DNAH8: variants seen among roughly 807,000 people sequenced by gnomAD.
The protein encoded by DNAH8 is dynein axonemal heavy chain 8, also known as axonemal beta dynein heavy chain 8.
DNAH8 carries 382 observed loss-of-function variants against 562.1 expected under a neutral mutation model. That is an observed-to-expected ratio of 0.68 (90% CI 0.63 to 0.74). The LOEUF (loss-of-function observed/expected upper bound fraction) is 0.74, where lower values mean the gene tolerates loss of function less well. Ranked by LOEUF, DNAH8 falls within the 30% of genes least tolerant of loss-of-function variation. The pLI is 0.00. For missense variants in DNAH8, 5,203 were observed against 5,620.4 expected (o/e 0.93, Z 2.37); for synonymous variants, 1,881 against 1,919.4 (o/e 0.98, Z 0.52).
chr6:38,872,212 G>T (rs936461741), intron 49 of DNAH8, among the ~76,000 whole-genome samples: 1 of 152,148 alleles, frequency 6.6e-6, no homozygotes, highest in Admixed American at 6.6e-5. Flanking sequence ...GAAAGTTTGC[G>T]CATGGAACAA....
chr6:38,848,992 G>C (rs755260289), intron 37 of DNAH8, among the ~76,000 whole-genome samples, 191 bp downstream of exon 37: 21 of 151,988 alleles, frequency 1.4e-4, no homozygotes, highest in Non-Finnish European at 2.5e-4. Flanking sequence ...TTTATATATT[G>C]TCTGTGGCTG....
chr6:38,767,974 A>T (rs1294934326), intron 11 of DNAH8, among the ~76,000 whole-genome samples: 1 of 152,072 alleles, frequency 6.6e-6, no homozygotes, highest in Non-Finnish European at 1.5e-5. Flanking sequence ...ATTTTCTATT[A>T]TTTTGATAAG....
intron 80 of DNAH8, among the ~76,000 whole-genome samples, chr6:38,946,719 A>G (rs1196766288): frequency 6.6e-6 from 1 of 152,124 alleles, no homozygotes; most frequent in Admixed American, 6.6e-5. Flanking sequence ...CTGAGGCAGG[A>G]GAATCGCTTA....
Position 38,872,715 on chromosome 6 carries a change from T to C in DNAH8, c.7170T>C (p.Thr2390=). The change falls in exon 50 of 93, where the codon ACT becomes ACC. Residue 2390 remains threonine, a synonymous_variant. Coordinates refer to ENST00000327475, the MANE Select transcript of DNAH8 (RefSeq NM_001206927.2). ...TAPQMFGRLD[T]ATNDWTDGIF... The stretch of plus-strand genomic sequence containing the variant: ...CTCAGATGTTTGGCAGACTGGACAC[T>C]GCTACCAATGACTGGACAGATGGGA... 1 of 1,614,126 alleles carries C rather than the reference T, an allele frequency of 6.2e-7. No homozygotes were observed. Among genetic ancestry groups the C allele is most frequent in the Non-Finnish European group, 8.5e-7 (1 of 1,179,990 alleles).
At chr6:38,725,040 C>T (rs1763093024) in intron 3 of DNAH8, among the ~76,000 whole-genome samples, 1 of 152,046 alleles carries the variant, frequency 6.6e-6, no homozygotes, top group South Asian at 2.1e-4. Flanking sequence ...CAGTAGCTCA[C>T]ACCTGTAATC....
chr6:38,974,617 C>A, intron 85 of DNAH8, 88 bp downstream of exon 85: 1 of 1,020,142 alleles, frequency 9.8e-7, no homozygotes, highest in Non-Finnish European at 1.5e-6. Context: ...GGGTGCTATC[C>A]GTTGCCGCTC....
chr6:38,941,514 G>A (rs1278777889), intron 79 of DNAH8, among the ~76,000 whole-genome samples: 1 of 152,128 alleles, frequency 6.6e-6, no homozygotes, highest in East Asian at 1.9e-4. Flanking sequence ...TTTTTTCACA[G>A]GTCTAATGCA....
At chr6:38,844,419 T>C (rs1401138724) in intron 35 of DNAH8, among the ~76,000 whole-genome samples, 1 of 152,208 alleles carries the variant, frequency 6.6e-6, no homozygotes. Context: ...AATATATGGT[T>C]TGGGTTTTCT....
chr6:38,829,400 C>G (rs1618774), intron 30 of DNAH8, among the ~76,000 whole-genome samples: 1 of 151,878 alleles, frequency 6.6e-6, no homozygotes, highest in Admixed American at 6.6e-5. Flanking sequence ...ATCTGGGAAA[C>G]CATTGCCCAA....
intron 85 of DNAH8, 34 bp downstream of exon 85, chr6:38,974,563 A>G: frequency 6.3e-7 from 1 of 1,595,050 alleles, no homozygotes; most frequent in Non-Finnish European, 8.6e-7. Flanking sequence ...CATTTAGGAG[A>G]TGGCCAGTGG....
chr6:38,859,230 G>A (rs760876123), intron 42 of DNAH8, among the ~76,000 whole-genome samples: 10 of 152,156 alleles, frequency 6.6e-5, no homozygotes, highest in African/African-American at 1.4e-4. Context: ...GTAGCTGGCT[G>A]AGAGCATCCC....
chr6:38,949,561 T>C lies in DNAH8; in HGVS notation c.12239T>C (p.Leu4080Ser). 1 of 1,579,716 alleles carries C rather than the reference T, an allele frequency of 6.3e-7. No homozygotes were observed. Among genetic ancestry groups the C allele is most frequent in the Non-Finnish European group, 8.7e-7 (1 of 1,148,632 alleles). Residue 4080 changes from leucine to serine, a missense_variant, in exon 81 of 93, where the codon TTA (leucine) becomes TCA (serine). Around this residue, in one of 6 missense-constraint regions of DNAH8, gnomAD observed 1,399 missense variants for 1,518.4 expected, o/e 0.92. Transcript: ENST00000327475. Reference sequence around the variant, plus strand: ...TCACTAGATACCTGCCATAAACTTTTACTTATCAGGTGAGAACAGGCATTA... The same window carrying C: ...TCACTAGATACCTGCCATAAACTTTCACTTATCAGGTGAGAACAGGCATTA... ...NDSLDTCHKL[L>S]LIRSWCPDRT...
chr6:38,994,101 A>G (rs1764974505), intron 88 of DNAH8, among the ~76,000 whole-genome samples: 1 of 152,222 alleles, frequency 6.6e-6, no homozygotes, highest in African/African-American at 2.4e-5. Context: ...CACCAATATG[A>G]CAGTGAGAAA....
intron 1 of DNAH8, among the ~76,000 whole-genome samples, chr6:38,716,203 C>T (rs576881915): frequency 6.6e-6 from 1 of 151,170 alleles, no homozygotes; most frequent in African/African-American, 2.4e-5. Flanking sequence ...CCTTGTGATC[C>T]GCCCACCTCG....
chr6:39,030,422 A>T lies in DNAH8; in HGVS notation c.*30A>T, dbSNP rs1371833027. ...ATTTCCATCTGCTCAGGGCACCAGA[A>T]CCCACATAGACAGCCTGTGCTATTG... On this transcript the variant is annotated 3_prime_UTR_variant, in exon 93 of 93. Coordinates refer to ENST00000327475, the MANE Select transcript of DNAH8 (RefSeq NM_001206927.2). The T allele has an allele frequency of 1.9e-6, 3 of 1,590,974 alleles. No homozygotes were observed. The highest frequency in any genetic ancestry group is 1.7e-5 in the Admixed American group (1 of 59,270).
intron 16 of DNAH8, among the ~76,000 whole-genome samples, chr6:38,781,915 C>T (rs1398863413): frequency 6.6e-6 from 1 of 152,060 alleles, no homozygotes; most frequent in Non-Finnish European, 1.5e-5. Flanking sequence ...TTTGTCTTTT[C>T]TTTGTCCTTA....
chr6:38,737,988 C>T lies in DNAH8; in HGVS notation c.1116+16C>T. ...GATCGAACAGGTGAATTGACTCAAA[C>T]AATTGCATCTGGACTAGTAGTTTTC... On this transcript the variant is annotated intron_variant, in intron 7 of 92. Transcript: ENST00000327475. The T allele has an allele frequency of 6.2e-7, 1 of 1,606,600 alleles. No homozygotes were observed. Among genetic ancestry groups the T allele is most frequent in the Non-Finnish European group, 8.5e-7 (1 of 1,176,150 alleles).
At chr6:38,787,019 AT>A in intron 18 of DNAH8, 67 bp downstream of exon 18, 1 of 948,266 alleles carries the variant, frequency 1.1e-6, no homozygotes, top group Non-Finnish European at 1.5e-6. Flanking sequence ...ATGTATATAT[AT>A]ATATATATCC....
chr6:38,904,528 C>T (rs1380531973), intron 62 of DNAH8, among the ~76,000 whole-genome samples: 12 of 152,056 alleles, frequency 7.9e-5, no homozygotes, highest in Non-Finnish European at 1.6e-4. Flanking sequence ...CCCTGGCTCA[C>T]GCCTGTAATC....
Sources: gnomAD v4.1 joint callset for allele counts (sites outside exome capture counted in the v4.1 genomes callset) on GRCh38, gnomAD v4.1.1 for gene constraint, gnomAD v4.1.1 regional missense constraint, MANE v1.5 for transcripts, NCBI Gene and HGNC (gene_info 2026-07-23, HGNC 2026-07-21) for gene names.